The following GSE1 variants were observed in gnomAD, a reference collection of about 807,000 sequenced individuals.
The protein encoded by GSE1 is Gse1 coiled-coil protein.
GSE1 carries 32 observed loss-of-function variants against 112.6 expected under a neutral mutation model. The ratio of observed to expected loss-of-function variants is 0.28; its 90% CI spans 0.21 to 0.38. The LOEUF is 0.38. Ranked by LOEUF, GSE1 falls within the 10% of genes least tolerant of loss-of-function variation. The pLI is 1.00. For synonymous variants in GSE1, 1,115 were observed against 735.6 expected, an observed-to-expected ratio of 1.52 and a Z score of -8.35; for missense variants, 2,348 against 1,699.2, an observed-to-expected ratio of 1.38 and a Z score of -6.71.
upstream of GSE1, among the ~76,000 whole-genome samples, chr16:85,612,042 G>C (rs1244359707): frequency 1.3e-5 from 2 of 152,108 alleles, no homozygotes; most frequent in African/African-American, 4.8e-5. Flanking sequence ...TTTGCCCCAG[G>C]GCTCAGAAGT....
chr16:85,656,834 C>T (rs1194410175), intron 7 of GSE1, among the ~76,000 whole-genome samples, 169 bp downstream of exon 7: 2 of 152,274 alleles, frequency 1.3e-5, no homozygotes, highest in South Asian at 2.1e-4. Context: ...CACGTTGGCA[C>T]ACGATGTAGA....
chr16:85,647,969 C>T (rs1435889365), intron 2 of GSE1, among the ~76,000 whole-genome samples: 1 of 151,950 alleles, frequency 6.6e-6, no homozygotes, highest in African/African-American at 2.4e-5. Context: ...GGAGGGGGCG[C>T]CTTTTCCTGT....
At chr16:85,628,292 G>C (rs1442388081) in intron 1 of GSE1, among the ~76,000 whole-genome samples, 1 of 152,252 alleles carries the variant, frequency 6.6e-6, no homozygotes, top group Non-Finnish European at 1.5e-5. Context: ...CCGCTTCCCA[G>C]GCTCACAGCT....
intron 1 of GSE1, among the ~76,000 whole-genome samples, chr16:85,331,448 T>C (rs1597408346): frequency 6.9e-6 from 1 of 145,244 alleles, no homozygotes; most frequent in Non-Finnish European, 1.5e-5. Flanking sequence ...TATGCGTATA[T>C]ATGTATATAT....
At chr16:85,492,992 C>T (rs760223811) in intron 2 of GSE1, among the ~76,000 whole-genome samples, 5 of 152,280 alleles carry the variant, frequency 3.3e-5, no homozygotes, top group African/African-American at 4.8e-5. Flanking sequence ...TGTGGGAATG[C>T]GCACTAAAAG....
At chr16:85,427,107 C>T (rs2049011558) in intron 2 of GSE1, among the ~76,000 whole-genome samples, 2 of 152,146 alleles carry the variant, frequency 1.3e-5, no homozygotes, top group South Asian at 4.2e-4. Context: ...GCAGTGTCAA[C>T]CCCAGCACCA....
rs552969679 is a variant in GSE1 at position 85,660,987 on chromosome 16, G to A, written c.1641-159G>A. ...ATGAAAGACAGAAACAATGATCCTT[G>A]GGGTGGAGTGTGTGTCCCCTCCCTG... On this transcript the variant is annotated intron_variant, in intron 8 of 15. Coordinates refer to ENST00000253458, the MANE Select transcript of GSE1 (RefSeq NM_014615.5). Among the ~76,000 whole-genome samples the A allele has an allele frequency of 1.4e-3, 209 of 152,306 alleles. 1 individual carries two copies. Among genetic ancestry groups the A allele is most frequent in the Middle Eastern group, 0.01 (3 of 294 alleles).
At chr16:85,652,048 G>GC (rs982163140) in intron 3 of GSE1, among the ~76,000 whole-genome samples, 13 of 152,352 alleles carry the variant, frequency 8.5e-5, no homozygotes, top group African/African-American at 3.1e-4. Flanking sequence ...GCCTCACGGG[G>GC]CTGGGGTAGG....
intron 1 of GSE1, among the ~76,000 whole-genome samples, chr16:85,322,707 C>A (rs1188466457): frequency 6.6e-6 from 1 of 151,972 alleles, no homozygotes; most frequent in Non-Finnish European, 1.5e-5. Flanking sequence ...CCTCTACCTC[C>A]CGAGTTCAAG....
At chr16:85,638,002 A>T (rs758758138) in intron 2 of GSE1, among the ~76,000 whole-genome samples, 40 of 152,172 alleles carry the variant, frequency 2.6e-4, no homozygotes, top group Non-Finnish European at 5.1e-4. Context: ...GCACCCAGGG[A>T]ACAGCAGAGG....
intron 2 of GSE1, among the ~76,000 whole-genome samples, chr16:85,375,294 C>T (rs1019805857): frequency 6.6e-6 from 1 of 152,082 alleles, no homozygotes; most frequent in Non-Finnish European, 1.5e-5. Context: ...CCACCCAGAG[C>T]CCATGCCTTG....
chr16:85,669,707 A>C (rs993875956), intron 14 of GSE1, among the ~76,000 whole-genome samples: 1 of 151,962 alleles, frequency 6.6e-6, no homozygotes, highest in Non-Finnish European at 1.5e-5. Flanking sequence ...CTGTCAGGCT[A>C]TTCTTCTGTA....
intron 1 of GSE1, among the ~76,000 whole-genome samples, chr16:85,589,438 C>T (rs1007527504): frequency 6.6e-6 from 1 of 152,138 alleles, no homozygotes; most frequent in African/African-American, 2.4e-5. Flanking sequence ...GCGGGTGGAG[C>T]CTGGGCACTT....
intron 2 of GSE1, among the ~76,000 whole-genome samples, chr16:85,454,144 A>G (rs2049760135): frequency 6.6e-6 from 1 of 152,220 alleles, no homozygotes; most frequent in Admixed American, 6.5e-5. Context: ...TCCAGTAAAA[A>G]TAAGAGCAAC....
intron 2 of GSE1, among the ~76,000 whole-genome samples, chr16:85,478,716 G>T (rs1042395708): frequency 6.6e-6 from 1 of 151,088 alleles, no homozygotes; most frequent in Admixed American, 6.6e-5. Context: ...CGCCCAGGCT[G>T]GAGTGCAGTG....
intron 2 of GSE1, among the ~76,000 whole-genome samples, chr16:85,362,324 T>C (rs2047099453): frequency 6.6e-6 from 1 of 152,196 alleles, no homozygotes; most frequent in Non-Finnish European, 1.5e-5. Flanking sequence ...ATAAAATCTA[T>C]TGAGAGGACA....
intron 2 of GSE1, among the ~76,000 whole-genome samples, chr16:85,457,549 G>C (rs2049862332): frequency 1.3e-5 from 2 of 152,232 alleles, no homozygotes; most frequent in Admixed American, 6.5e-5. Context: ...GGTGGAGGCT[G>C]AGCTCAGGCA....
intron 2 of GSE1, among the ~76,000 whole-genome samples, chr16:85,507,385 G>A (rs1018207510): frequency 5.9e-5 from 9 of 152,178 alleles, no homozygotes; most frequent in Admixed American, 1.3e-4. Flanking sequence ...CCTCACCCAG[G>A]CTCCTGGGCC....
intron 1 of GSE1, among the ~76,000 whole-genome samples, chr16:85,354,236 C>T (rs1427267809): frequency 6.6e-6 from 1 of 152,216 alleles, no homozygotes; most frequent in Non-Finnish European, 1.5e-5. Flanking sequence ...GCTGTGTCCC[C>T]CAGTTGCTTT....
Sources: gnomAD v4.1 joint callset for allele counts (sites outside exome capture counted in the v4.1 genomes callset) on GRCh38, gnomAD v4.1.1 for gene constraint, MANE v1.5 for transcripts, NCBI Gene and HGNC (gene_info 2026-07-23, HGNC 2026-07-21) for gene names.